The following IGSF9B variants were observed in gnomAD, a reference collection of about 807,000 sequenced individuals.
The protein encoded by IGSF9B is protein turtle homolog B.
IGSF9B carries 48 observed loss-of-function variants against 143.7 expected under a neutral mutation model. The ratio of observed to expected loss-of-function variants is 0.33; its 90% CI spans 0.26 to 0.42. IGSF9B has a LOEUF of 0.42. Among genes scored for constraint, IGSF9B ranks in the 20% least tolerant of loss-of-function variants. IGSF9B has a pLI of 1.00. For missense variants in IGSF9B, 1,706 were observed against 1,980.0 expected (o/e 0.86, Z 2.63); for synonymous variants, 903 against 833.1 (o/e 1.08, Z -1.44).
At chr11:133,924,952 C>T (rs1283354225) in intron 14 of IGSF9B, 48 bp from the exon 15 acceptor site, 3 of 1,495,298 alleles carry the variant, frequency 2.0e-6, no homozygotes, top group East Asian at 4.5e-5. Context: ...CCTGAGATGA[C>T]CACTGTCCCC....
rs754016271 is a variant in IGSF9B, at chr11:133,932,241, GCAGACAGACAGACACAGGGA to G, written c.968-48_968-29del. ...GCATAGAGGAAGCGCAGGTGAGAGA[GCAGACAGACAGACACAGGGA>G]CAGACAGACAGACACAGGGACAGAC... On this transcript the variant is annotated intron_variant, in intron 7 of 19. Coordinates refer to ENST00000533871, the MANE Select transcript of IGSF9B (RefSeq NM_001277285.4). 0.013 allele frequency: 19,929 copies of G among 1,537,050 alleles called. 2,413 individuals are homozygous for G. The African/African-American group carries it at 0.23, about 17-fold the overall frequency.
chr11:133,956,469 C>T (rs1940255429), intron 1 of IGSF9B, among the ~76,000 whole-genome samples: 1 of 151,970 alleles, frequency 6.6e-6, no homozygotes, highest in Admixed American at 6.5e-5. Context: ...CCCGTGGGCT[C>T]TGGCCCCTTC....
At chr11:133,934,611 C>T (rs939340614) in intron 7 of IGSF9B, among the ~76,000 whole-genome samples, 2 of 152,158 alleles carry the variant, frequency 1.3e-5, no homozygotes, top group African/African-American at 2.4e-5. Context: ...AGTGAGACTG[C>T]GAGGTTAGGG....
At chr11:133,936,964 ACT>A (rs1264742588) in intron 5 of IGSF9B, among the ~76,000 whole-genome samples, 1 of 152,142 alleles carries the variant, frequency 6.6e-6, no homozygotes, top group Non-Finnish European at 1.5e-5. Flanking sequence ...CCAAATGCCC[ACT>A]GTGTTATTTA....
At chr11:133,930,253 G>A (rs1319588449) in intron 11 of IGSF9B, among the ~76,000 whole-genome samples, 1 of 152,134 alleles carries the variant, frequency 6.6e-6, no homozygotes, top group Non-Finnish European at 1.5e-5. Flanking sequence ...TCGATTCCCG[G>A]ACCCACTACT....
At chr11:133,941,805 G>A (rs1014473645) in intron 3 of IGSF9B, among the ~76,000 whole-genome samples, 2 of 152,272 alleles carry the variant, frequency 1.3e-5, no homozygotes, top group East Asian at 1.9e-4. Flanking sequence ...TTCCGAGCAC[G>A]CTTGTCCACT....
In IGSF9B at chr11:133,909,264, G is replaced by C. The variant is rs1414437476; in HGVS notation, c.4119C>G (p.Ser1373=). 2.0e-6 allele frequency: 3 copies of C among 1,535,740 alleles called. No homozygotes were observed. The highest frequency in any genetic ancestry group is 2.4e-5 in the East Asian group (1 of 40,918). ...KSKKRSDDSA[S]QTQQLPNSQV... is the part of the protein sequence containing the mutation. ...GAGAGTTGGGAAGCTGCTGAGTCTG[G>C]GAGGCAGAATCGTCTAGGAAGAAAG... Residue 1373 remains serine, a synonymous_variant, in exon 20 of 20, where the codon TCC becomes TCG. Coordinates refer to ENST00000533871, the MANE Select transcript of IGSF9B (RefSeq NM_001277285.4). This position sits in a 1 kb window ranked among gnomAD's most constrained non-coding sequence, Gnocchi z 4.2.
At position 133,903,481 on chromosome 11, in the gene IGSF9B, C is replaced by T. The variant is rs563172964; in HGVS notation, c.*5588G>A. On this transcript the variant is annotated 3_prime_UTR_variant, in exon 20 of 20. Transcript: ENST00000533871. ...GACAACACCCATGTGATTTTAATGA[C>T]TGGCCACTGTTCCACCAGAGTATAT... Among the ~76,000 whole-genome samples, 1 of 152,332 alleles carries T rather than the reference C, an allele frequency of 6.6e-6. No homozygotes were observed. Among genetic ancestry groups the T allele is most frequent in the African/African-American group, 2.4e-5 (1 of 41,578 alleles).
In IGSF9B at chr11:133,932,563, G is replaced by A. The variant is rs866224223; in HGVS notation, c.968-350C>T. ...CAGACAGACACAGGGAAGCCAGGTG[G>A]GAGAGCAGACAGAGACAGACACAGG... On this transcript the variant is annotated intron_variant, in intron 7 of 19. Coordinates refer to ENST00000533871, the MANE Select transcript of IGSF9B (RefSeq NM_001277285.4). 5.6e-3 allele frequency among the ~76,000 whole-genome samples: 483 copies of A among 86,780 alleles called. 9 individuals are homozygous for A. The highest frequency in any genetic ancestry group is 0.022 in the African/African-American group (335 of 15,312). 56.9% of individuals were successfully genotyped at this position (86,780 alleles called of 152,430 possible).
intron 7 of IGSF9B, 76 bp from the exon 8 acceptor site, chr11:133,932,289 A>G: frequency 6.9e-7 from 1 of 1,453,294 alleles, no homozygotes; most frequent in Non-Finnish European, 9.2e-7. Flanking sequence ...GGACAGACAG[A>G]CAGACACAGG....
rs1333644662 is a variant in IGSF9B at position 133,913,586 on chromosome 11, G to A, written c.3984-1579C>T. Among the ~76,000 whole-genome samples, 1 of 152,190 alleles carries A rather than the reference G, an allele frequency of 6.6e-6. No individual in the cohort carries two copies. The highest frequency in any genetic ancestry group is 1.5e-5 in the Non-Finnish European group (1 of 68,042). On this transcript the variant is annotated intron_variant, in intron 18 of 19. Coordinates refer to ENST00000533871, the MANE Select transcript of IGSF9B (RefSeq NM_001277285.4). This position sits in a 1 kb window ranked among gnomAD's most constrained non-coding sequence, Gnocchi z 4.6. ...ACGGTCAACCTCTTGACTTTCCATA[G>A]CCCTGACAGCAGAGCTAAGAAGGCT... is the stretch of plus-strand genomic sequence containing the variant.
chr11:133,944,296 A>G lies in IGSF9B; in HGVS notation c.333T>C (p.Tyr111=), dbSNP rs595986. 1,095,622 of 1,613,522 alleles carry G rather than the reference A, an allele frequency of 0.68. 382,654 individuals carry two copies. The highest frequency in any genetic ancestry group is 0.73 in the Non-Finnish European group (857,452 of 1,179,676). ...GGTCCAGCATGAGCACTTTGCACTC[A>G]TACCAGCCCTGGTCCTCAGAGCGAA... ...EQVRSEDQGW[Y]ECKVLMLDQQ... The change falls in exon 3 of 20, where the codon TAT becomes TAC. Residue 111 remains tyrosine (Y), a synonymous_variant. Coordinates refer to ENST00000533871, the MANE Select transcript of IGSF9B (RefSeq NM_001277285.4).
chr11:133,937,737 G>T, intron 4 of IGSF9B, 73 bp downstream of exon 4: 2 of 1,507,154 alleles, frequency 1.3e-6, no homozygotes, highest in Admixed American at 1.9e-5. Context: ...ATCAGGGGTC[G>T]GCTGCAGTAG....
In IGSF9B at chr11:133,907,383, C is replaced by T. The variant is rs1939224838; in HGVS notation, c.*1686G>A. Among the ~76,000 whole-genome samples, 1 of 152,208 alleles carries T rather than the reference C, an allele frequency of 6.6e-6. No individual in the cohort carries two copies. Among genetic ancestry groups the T allele is most frequent in the Admixed American group, 6.5e-5 (1 of 15,284 alleles). ...GCAGCTGCATGAGACCAGCAGAAGC[C>T]ATCCAATGCTGCCGTGGCTCACGTC... On this transcript the variant is annotated 3_prime_UTR_variant, in exon 20 of 20. Coordinates refer to ENST00000533871, the MANE Select transcript of IGSF9B (RefSeq NM_001277285.4).
At position 133,905,696 on chromosome 11, in the gene IGSF9B, T is replaced by C. The variant is rs1445218324; in HGVS notation, c.*3373A>G. The stretch of plus-strand genomic sequence containing the variant: ...CGTCCTTCCTGCTAAGAAAGTAGGA[T>C]CTCAAAAGGCCTGTCCTACCCCCAG... On this transcript the variant is annotated 3_prime_UTR_variant, in exon 20 of 20. Coordinates refer to ENST00000533871, the MANE Select transcript of IGSF9B (RefSeq NM_001277285.4). The surrounding 1 kb of genome is among the most constrained non-coding windows in gnomAD (Gnocchi z 4.0). Among the ~76,000 whole-genome samples, 1 of 151,814 alleles carries C rather than the reference T, an allele frequency of 6.6e-6. No homozygotes were observed. The highest frequency in any genetic ancestry group is 2.4e-5 in the African/African-American group (1 of 41,298).
rs1403227668 is a variant in IGSF9B at position 133,902,387 on chromosome 11, CACACA to C, written c.*6677_*6681del. On this transcript the variant is annotated 3_prime_UTR_variant, in exon 20 of 20. Transcript: ENST00000533871. ...AATAGACACACCACACACAACACAC[CACACA>C]ATACGCACAACACATACCACACACA... 7.1e-6 allele frequency among the ~76,000 whole-genome samples: 1 copy of C among 141,168 alleles called. No individual in the cohort carries two copies. The highest frequency in any genetic ancestry group is 2.6e-5 in the African/African-American group (1 of 38,780). 92.6% of individuals were successfully genotyped at this position (141,168 alleles called of 152,430 possible).
At chr11:133,930,911 C>G in intron 11 of IGSF9B, 73 bp downstream of exon 11, 2 of 1,421,366 alleles carry the variant, frequency 1.4e-6, no homozygotes, top group Non-Finnish European at 1.9e-6. Context: ...GGGACGCTCC[C>G]AGCGTCCAGC....
chr11:133,932,013 G>A, intron 8 of IGSF9B, 58 bp downstream of exon 8: 1 of 1,559,952 alleles, frequency 6.4e-7, no homozygotes, highest in Admixed American at 1.8e-5. Context: ...CCCAGAGGTG[G>A]CATCACAGTA....
chr11:133,936,252 A>G, intron 5 of IGSF9B, 58 bp from the exon 6 acceptor site: 1 of 1,549,164 alleles, frequency 6.5e-7, no homozygotes. Flanking sequence ...AGCAGCACCC[A>G]GGCCTCCTGG....
Sources: allele counts gnomAD v4.1 joint callset (sites outside exome capture counted in the v4.1 genomes callset), GRCh38; gene constraint gnomAD v4.1.1; non-coding constraint Gnocchi (gnomAD v3.1); transcripts MANE v1.5; gene names NCBI Gene and HGNC (gene_info 2026-07-23, HGNC 2026-07-21).